DNMT3B: variants seen among roughly 807,000 people sequenced by gnomAD.
DNMT3B encodes DNA methyltransferase 3 beta.
In DNMT3B, 37 loss-of-function variants were observed where a neutral mutation model predicts 120.2. The ratio of observed to expected loss-of-function variants is 0.31; its 90% CI spans 0.24 to 0.40. The LOEUF (loss-of-function observed/expected upper bound fraction) is 0.40, where lower values mean the gene tolerates loss of function less well. Among genes scored for constraint, DNMT3B ranks in the 10% least tolerant of loss-of-function variants. The probability of loss-of-function intolerance (pLI) is 1.00; values close to 1 mark genes in which losing one functional copy is unlikely to be tolerated. For synonymous variants in DNMT3B, 412 were observed against 442.8 expected, an observed-to-expected ratio of 0.93 and a Z score of 0.87; for missense variants, 878 against 1,137.3, an observed-to-expected ratio of 0.77 and a Z score of 3.28.
chr20:32,792,727 G>C lies in DNMT3B; in HGVS notation c.1023G>C (p.Lys341Asn). The change falls in exon 9 of 23, where the codon AAG becomes AAC. Residue 341 changes from lysine (K) to asparagine (N), a missense_variant. Physicochemically the swap from Lys to Asn is moderately conservative, Grantham distance 94. Transcript: ENST00000328111. ...TGGAGTGGGCCCACGGGGGCTTCAAGCCCACTGGGATCGAGGGCCTCAAAC... is the reference window on the plus strand; with the variant it reads ...TGGAGTGGGCCCACGGGGGCTTCAACCCCACTGGGATCGAGGGCCTCAAAC... ...PMLEWAHGGFKPTGIEGLKPN... is the reference protein window; with the variant it reads ...PMLEWAHGGFNPTGIEGLKPN... The C allele has an allele frequency of 6.2e-7, 1 of 1,614,238 alleles. No individual in the cohort carries two copies. The highest frequency in any genetic ancestry group is 8.5e-7 in the Non-Finnish European group (1 of 1,180,044).
intron 1 of DNMT3B, among the ~76,000 whole-genome samples, chr20:32,776,515 A>T (rs950115025): frequency 4.6e-5 from 7 of 152,056 alleles, no homozygotes; most frequent in African/African-American, 1.7e-4. Context: ...TGCTAATTTA[A>T]TTTCTCTTGT....
In DNMT3B at chr20:32,766,881, ATT is replaced by A. The variant is rs111572909; in HGVS notation, c.-7+4190_-7+4191del. ...ACATGAGCCAACACACCCAAATTCA[ATT>A]TTTTTTTAATTATTTTTATTTTTTG... On this transcript the variant is annotated intron_variant, in intron 1 of 22. Coordinates refer to ENST00000328111, the MANE Select transcript of DNMT3B (RefSeq NM_006892.4). 6.0e-5 allele frequency among the ~76,000 whole-genome samples: 9 copies of A among 149,964 alleles called. No homozygotes were observed. In the South Asian group the frequency reaches 1.9e-3, roughly 32 times the overall value.
At chr20:32,796,517 C>T (rs1448965490) in intron 12 of DNMT3B, among the ~76,000 whole-genome samples, 1 of 152,186 alleles carries the variant, frequency 6.6e-6, no homozygotes, top group Non-Finnish European at 1.5e-5. Context: ...CAAGGATTGT[C>T]ACACCAGGGA....
At chr20:32,776,916 T>C (rs1988096841) in intron 1 of DNMT3B, among the ~76,000 whole-genome samples, 1 of 150,858 alleles carries the variant, frequency 6.6e-6, no homozygotes, top group East Asian at 1.9e-4. Flanking sequence ...TAGATTGTCT[T>C]GGCCTGCGTG....
chr20:32,778,816 G>C (rs1287994670), intron 1 of DNMT3B, among the ~76,000 whole-genome samples: 1 of 152,208 alleles, frequency 6.6e-6, no homozygotes, highest in Non-Finnish European at 1.5e-5. Context: ...AGCCACACCT[G>C]GTGGCACACA....
intron 1 of DNMT3B, among the ~76,000 whole-genome samples, chr20:32,765,121 T>C (rs2424905): frequency 0.59 from 90,115 of 152,130 alleles, 29,473 homozygotes; most frequent in East Asian, 0.92. Flanking sequence ...TGAGGTTGTG[T>C]GCTCTTCCTC....
At chr20:32,795,824 A>G (rs1980559707) in intron 12 of DNMT3B, 130 bp downstream of exon 12, 3 of 1,178,922 alleles carry the variant, frequency 2.5e-6, no homozygotes, top group Non-Finnish European at 3.7e-6. Flanking sequence ...GCCAAGGCCT[A>G]TTTCTGGACC....
In DNMT3B at chr20:32,807,127, G is replaced by A. The variant is rs77226987; in HGVS notation, c.2421-635G>A. On this transcript the variant is annotated intron_variant, in intron 22 of 22. Coordinates refer to ENST00000328111, the MANE Select transcript of DNMT3B (RefSeq NM_006892.4). ...AGACCAAGCAAGACACAGGCCTGAG[G>A]TATCACATCTTTGGCATGTTTCTGA... 8.5e-3 allele frequency among the ~76,000 whole-genome samples: 1,295 copies of A among 152,314 alleles called. 24 individuals carry two copies. The highest frequency in any genetic ancestry group is 0.03 in the African/African-American group (1,247 of 41,564).
intron 9 of DNMT3B, among the ~76,000 whole-genome samples, chr20:32,792,993 T>G (rs1980166244): frequency 6.6e-6 from 1 of 152,256 alleles, no homozygotes; most frequent in African/African-American, 2.4e-5. Flanking sequence ...TAATTTGTAT[T>G]GAATCTGACA....
intron 1 of DNMT3B, among the ~76,000 whole-genome samples, chr20:32,772,348 G>A (rs1257312430): frequency 6.6e-6 from 1 of 152,198 alleles, no homozygotes; most frequent in Non-Finnish European, 1.5e-5. Context: ...ACTAAATACT[G>A]TGTAGATAGG....
rs138985819 is a variant in DNMT3B, at chr20:32,799,424, A to C, written c.1759+96A>C. 2.2e-6 allele frequency: 3 copies of C among 1,384,686 alleles called. No individual in the cohort carries two copies. In the African/African-American group the frequency reaches 4.3e-5, roughly 20 times the overall value. The allele number at this position is 1,384,686 out of a possible 1,614,324, so 85.8% of individuals were successfully genotyped here. ...GGTTAAGGTGTCTGACATCAGTGGCAAGAAAGGTCCCTGGGGATTACCAGC... is the reference window on the plus strand; with the variant it reads ...GGTTAAGGTGTCTGACATCAGTGGCCAGAAAGGTCCCTGGGGATTACCAGC... On this transcript the variant is annotated intron_variant, in intron 16 of 22. Transcript: ENST00000328111.
chr20:32,768,888 G>A (rs1307602782), intron 1 of DNMT3B, among the ~76,000 whole-genome samples: 3 of 152,196 alleles, frequency 2.0e-5, no homozygotes, highest in African/African-American at 4.8e-5. Context: ...TGGAGGAAGA[G>A]CCTCAAGCTT....
In DNMT3B at chr20:32,793,563, C is replaced by A; in HGVS notation, c.1094C>A (p.Ala365Glu). Residue 365 changes from alanine to glutamate, a missense_variant, in exon 10 of 23, where the codon GCA becomes GAA. This residue lies in a region of DNMT3B where 207 missense variants were observed against 222.6 expected (regional missense o/e 0.93). Transcript: ENST00000328111. ...PVVNKSKVRR[A>E]GSRKLESRKY... The stretch of plus-strand genomic sequence containing the variant: ...GTTAATAAGTCGAAGGTGCGTCGTG[C>A]AGGCAGTAGGAAATTAGAATCAAGG... The A allele has an allele frequency of 6.2e-7, 1 of 1,614,066 alleles. No homozygotes were observed. The highest frequency in any genetic ancestry group is 1.7e-5 in the Admixed American group (1 of 60,014).
At chr20:32,773,117 CTTT>C (rs11449585) in intron 1 of DNMT3B, among the ~76,000 whole-genome samples, 1 of 143,932 alleles carries the variant, frequency 6.9e-6, no homozygotes, top group African/African-American at 2.6e-5. Flanking sequence ...CTGTGCCTGG[CTTT>C]TTTTTTTTTT....
At chr20:32,774,371 G>A (rs897311925) in intron 1 of DNMT3B, among the ~76,000 whole-genome samples, 4 of 151,878 alleles carry the variant, frequency 2.6e-5, no homozygotes, top group African/African-American at 7.3e-5. Context: ...CACCATGCCC[G>A]GCTAATTTTT....
At chr20:32,789,663 G>A (rs1353460731) in intron 7 of DNMT3B, among the ~76,000 whole-genome samples, 1 of 152,104 alleles carries the variant, frequency 6.6e-6, no homozygotes, top group African/African-American at 2.4e-5. Context: ...GTGCGATCTT[G>A]GCTCACTGCA....
At position 32,797,302 on chromosome 20, in the gene DNMT3B, G is replaced by A; in HGVS notation, c.1490+3G>A. 6.2e-7 allele frequency: 1 copy of A among 1,613,994 alleles called. No individual in the cohort carries two copies. The highest frequency in any genetic ancestry group is 8.5e-7 in the Non-Finnish European group (1 of 1,180,002). ...TGCAGCAACACGAGCTGCTGCCGGTGAGCACTGGGCCCTGTGGGGTGGATG... is the reference window on the plus strand; with the variant it reads ...TGCAGCAACACGAGCTGCTGCCGGTAAGCACTGGGCCCTGTGGGGTGGATG... On this transcript the variant is annotated splice_donor_region_variant and intron_variant, in intron 14 of 22. Coordinates refer to ENST00000328111, the MANE Select transcript of DNMT3B (RefSeq NM_006892.4).
intron 7 of DNMT3B, among the ~76,000 whole-genome samples, 180 bp downstream of exon 7, chr20:32,789,192 G>C (rs1601097040): frequency 6.6e-6 from 1 of 152,362 alleles, no homozygotes; most frequent in South Asian, 2.1e-4. Context: ...ACTCACACGG[G>C]GGACAAAAGT....
chr20:32,798,571 C>T lies in DNMT3B; in HGVS notation c.1602C>T (p.Gly534=), dbSNP rs375101606. ...TGTGTCTCCCGCAGCGCTGTCATGG[C>T]GTCCTGCGGCGCCGGAAGGACTGGA... The part of the protein sequence containing the change: ...CYMCLPQRCH[G]VLRRRKDWNV... Residue 534 remains glycine (G), a synonymous_variant, in exon 15 of 23, where the codon GGC becomes GGT. Transcript: ENST00000328111. The T allele has an allele frequency of 1.3e-5, 21 of 1,614,238 alleles. No homozygotes were observed. Among genetic ancestry groups the T allele is most frequent in the Admixed American group, 5.0e-5 (3 of 60,038 alleles).
Sources: allele counts gnomAD v4.1 joint callset (sites outside exome capture counted in the v4.1 genomes callset), GRCh38; gene constraint gnomAD v4.1.1; regional missense constraint gnomAD v4.1.1; transcripts MANE v1.5; gene names NCBI Gene and HGNC (gene_info 2026-07-23, HGNC 2026-07-21).